EXD3: variants seen among roughly 807,000 people sequenced by gnomAD.
EXD3 encodes exonuclease 3'-5' domain containing 3, also known as exonuclease mut-7 homolog.
In EXD3, 92 loss-of-function variants were observed where a neutral mutation model predicts 98.0. The ratio of observed to expected loss-of-function variants is 0.94; its 90% confidence interval spans 0.79 to 1.12. The LOEUF is 1.12. EXD3 is among the 50% of genes most tolerant of loss of function. EXD3 has a pLI of 0.00. For synonymous variants in EXD3, 569 were observed against 526.0 expected, an observed-to-expected ratio of 1.08 and a Z score of -1.12; for missense variants, 1,222 against 1,191.6, an observed-to-expected ratio of 1.03 and a Z score of -0.38.
chr9:137,418,020 T>TG (rs57994551), intron 1 of EXD3, among the ~76,000 whole-genome samples: 2,944 of 151,958 alleles, frequency 0.019, 85 homozygotes, highest in African/African-American at 0.067. Context: ...TGGCAGGAGG[T>TG]CTGTGCCCTG....
At chr9:137,327,637 C>T (rs1034668349) in intron 17 of EXD3, among the ~76,000 whole-genome samples, 1 of 150,728 alleles carries the variant, frequency 6.6e-6, no homozygotes, top group South Asian at 2.1e-4. Flanking sequence ...CAAATATACA[C>T]CCATATGATG....
chr9:137,413,447 G>A (rs568888337), intron 1 of EXD3, among the ~76,000 whole-genome samples: 2 of 149,988 alleles, frequency 1.3e-5, no homozygotes, highest in African/African-American at 4.9e-5. Context: ...TGATCTGCCC[G>A]CATCAGCCTC....
At chr9:137,354,049 C>A in intron 10 of EXD3, 1 of 1,207,164 alleles carries the variant, frequency 8.3e-7, no homozygotes, top group Non-Finnish European at 1.0e-6. Flanking sequence ...AGCCCCCACC[C>A]GGCCCCACAG....
In EXD3 at chr9:137,371,443, C is replaced by T. The variant is rs561987818; in HGVS notation, c.462+1462G>A. Among the ~76,000 whole-genome samples the T allele has an allele frequency of 1.3e-3, 200 of 152,226 alleles. No homozygotes were observed. The highest frequency in any genetic ancestry group is 4.0e-3 in the African/African-American group (167 of 41,534). ...CCCGGCCAGGGCAGCCCCCGATGCC[C>T]GTGCCCAGGTTCCAATGCACCTCCT... is the stretch of plus-strand genomic sequence containing the variant. On this transcript the variant is annotated intron_variant, in intron 5 of 21. Transcript: ENST00000340951. This position sits in a 1 kb window ranked among gnomAD's most constrained non-coding sequence, Gnocchi z 8.0.
rs752503191 is a variant in EXD3, at chr9:137,373,113, A to G, written c.295-41T>C. 5.3e-6 allele frequency: 8 copies of G among 1,517,854 alleles called. 1 individual carries two copies. In the South Asian group the frequency reaches 9.0e-5, roughly 17 times the overall value. The allele number at this position is 1,517,854 out of a possible 1,614,324, so 94.0% of individuals were successfully genotyped here. A position where few individuals can be genotyped will look rare whatever the true frequency, so the allele number is the denominator to read the frequency against. On this transcript the variant is annotated intron_variant, in intron 4 of 21. Transcript: ENST00000340951. ...CCCAGACTTACTGGACGCAGCACCCAGTGGCTGGGCCATGGGGCCGATTGA... is the reference window on the plus strand; with the variant it reads ...CCCAGACTTACTGGACGCAGCACCCGGTGGCTGGGCCATGGGGCCGATTGA...
intron 10 of EXD3, chr9:137,354,065 T>A: frequency 1.6e-6 from 2 of 1,218,598 alleles, no homozygotes; most frequent in Non-Finnish European, 1.0e-6. Context: ...CACAGGCAGC[T>A]CCGCTGGGTT....
chr9:137,385,057 A>G lies in EXD3; in HGVS notation c.56-1680T>C, dbSNP rs1487457844. ...CAGTGAGCCGAGATCGGGCCACTGC[A>G]CTCCAGCCTGGGCAACAGAGCGAGA... is the stretch of plus-strand genomic sequence containing the variant. On this transcript the variant is annotated intron_variant, in intron 2 of 21. Transcript: ENST00000340951. The surrounding 1 kb of genome is among the most constrained non-coding windows in gnomAD (Gnocchi z 4.4). Among the ~76,000 whole-genome samples, 3 of 152,166 alleles carry G rather than the reference A, an allele frequency of 2.0e-5. No homozygotes were observed. The highest frequency in any genetic ancestry group is 7.2e-5 in the African/African-American group (3 of 41,454).
At chr9:137,373,878 C>T (rs943387597) in intron 3 of EXD3, among the ~76,000 whole-genome samples, 3 of 152,248 alleles carry the variant, frequency 2.0e-5, no homozygotes, top group East Asian at 1.9e-4. Context: ...GGGAGGCAAC[C>T]GTAGCCCGAG....
chr9:137,417,692 G>A (rs940007984), intron 1 of EXD3, among the ~76,000 whole-genome samples: 4 of 152,204 alleles, frequency 2.6e-5, no homozygotes, highest in Non-Finnish European at 1.5e-5. Flanking sequence ...CTTCCGCCAC[G>A]AACGGAACAG....
At chr9:137,355,536 G>A (rs1834645774) in intron 8 of EXD3, among the ~76,000 whole-genome samples, 3 of 143,604 alleles carry the variant, frequency 2.1e-5, no homozygotes, top group Admixed American at 6.8e-5. Flanking sequence ...ATGGAGGAAG[G>A]AGGAAGGAGG....
intron 10 of EXD3, chr9:137,353,693 A>G: frequency 2.0e-6 from 2 of 985,500 alleles, no homozygotes; most frequent in South Asian, 9.4e-5. Context: ...GCCCAGCACA[A>G]GCGAGGGTCT....
chr9:137,374,824 T>C, intron 3 of EXD3: 1 of 985,486 alleles, frequency 1.0e-6, no homozygotes, highest in Non-Finnish European at 1.2e-6. Context: ...ATCTGGAACT[T>C]GAAGCAACTT....
intron 19 of EXD3, among the ~76,000 whole-genome samples, chr9:137,310,504 C>T (rs1312337933): frequency 6.6e-6 from 1 of 152,186 alleles, no homozygotes. Context: ...GCTGGGACTC[C>T]AGGTGTGTGC....
chr9:137,315,539 G>A (rs895802644), intron 19 of EXD3, among the ~76,000 whole-genome samples: 2 of 152,144 alleles, frequency 1.3e-5, no homozygotes, highest in African/African-American at 4.8e-5. Context: ...GGCTGGGGGT[G>A]AGCCACAGGG....
At chr9:137,397,668 A>G (rs1424864518) in intron 1 of EXD3, among the ~76,000 whole-genome samples, 1 of 152,246 alleles carries the variant, frequency 6.6e-6, no homozygotes, top group African/African-American at 2.4e-5. Flanking sequence ...AATGAACAGA[A>G]AACATGTTCA....
intron 8 of EXD3, among the ~76,000 whole-genome samples, chr9:137,355,748 C>A (rs78624820): frequency 0.12 from 12,725 of 104,088 alleles, 1,132 homozygotes; most frequent in Admixed American, 0.17. Context: ...AGAAACACTG[C>A]AAAATCCAGA....
At chr9:137,382,095 CGGTGGAGGTCAGGGCG>C (rs1306901715) in intron 3 of EXD3, among the ~76,000 whole-genome samples, 22 of 32,832 alleles carry the variant, frequency 6.7e-4, no homozygotes, top group African/African-American at 1.9e-3. Context: ...GTCAGGGCGG[CGGTGGAGGTCAGGGCG>C]GCGGTGGAGG....
Position 137,323,838 on chromosome 9 carries a change from C to A in EXD3, c.2071G>T (p.Ala691Ser). ...PFHKLRAQVG[A>S]GRCLSVDCSL... ...CAGTCGACCGAGAGGCAGCGCCCAG[C>A]CCCGACCTGGGCCCGGAGCTGCAAA... Residue 691 changes from alanine (A) to serine (S), a missense_variant, in exon 19 of 22, where the codon GCT (alanine) becomes TCT (serine). Transcript: ENST00000340951. 2.5e-6 allele frequency: 4 copies of A among 1,611,468 alleles called. No individual in the cohort carries two copies. The highest frequency in any genetic ancestry group is 3.4e-6 in the Non-Finnish European group (4 of 1,179,536).
At chr9:137,414,138 C>T (rs980036675) in intron 1 of EXD3, among the ~76,000 whole-genome samples, 14 of 152,014 alleles carry the variant, frequency 9.2e-5, no homozygotes, top group African/African-American at 3.1e-4. Context: ...AGGATGGTCT[C>T]GATCTCCTGA....
Sources: gnomAD v4.1 joint callset for allele counts (sites outside exome capture counted in the v4.1 genomes callset) on GRCh38, gnomAD v4.1.1 for gene constraint, Gnocchi (gnomAD v3.1) non-coding constraint, MANE v1.5 for transcripts, NCBI Gene and HGNC (gene_info 2026-07-23, HGNC 2026-07-21) for gene names.